The following GPD2 variants were observed in gnomAD, a reference collection of about 807,000 sequenced individuals.
GPD2 encodes glycerol-3-phosphate dehydrogenase 2, also known as glycerol-3-phosphate dehydrogenase, mitochondrial.
In GPD2, 54 loss-of-function variants were observed where a neutral mutation model predicts 82.4. That is an observed-to-expected ratio of 0.66 (90% CI 0.53 to 0.82). The LOEUF is 0.82. Ranked by LOEUF, GPD2 falls within the 40% of genes least tolerant of loss-of-function variation. The probability of loss-of-function intolerance (pLI) is 0.00; values close to 1 mark genes in which losing one functional copy is unlikely to be tolerated. For missense variants in GPD2, 748 were observed against 896.2 expected (o/e 0.83, Z 2.11); for synonymous variants, 288 against 306.1 (o/e 0.94, Z 0.62).
the GPD2 span, among the ~76,000 whole-genome samples, chr2:156,416,035 AC>A: frequency 8.1e-5 from 8 of 98,492 alleles, 1 homozygote; most frequent in East Asian, 3.3e-4. Context: ...AAAAAAAAAA[AC>A]AAAAACAAAA....
At chr2:156,562,023 G>A (rs1687194221) in intron 9 of GPD2, among the ~76,000 whole-genome samples, 1 of 152,154 alleles carries the variant, frequency 6.6e-6, no homozygotes, top group African/African-American at 2.4e-5. Flanking sequence ...GTTTCATATT[G>A]AGTTAGGAAG....
At chr2:156,464,009 A>T (rs1683072705) in intron 1 of GPD2, among the ~76,000 whole-genome samples, 1 of 152,142 alleles carries the variant, frequency 6.6e-6, no homozygotes, top group Admixed American at 6.6e-5. Context: ...TTAGTTTGGA[A>T]AGGATGCGTT....
chr2:156,569,402 C>T lies in GPD2; in HGVS notation c.1340C>T (p.Thr447Ile), dbSNP rs1367064631. The change falls in exon 11 of 17, where the codon ACC becomes ATC. Residue 447 changes from threonine to isoleucine, a missense_variant. Thr to Ile is a moderately conservative substitution (Grantham distance 89). Around this residue, in one of 3 missense-constraint regions of GPD2, gnomAD observed 692 missense variants for 809.7 expected, o/e 0.85. Coordinates refer to ENST00000438166, the MANE Select transcript of GPD2 (RefSeq NM_000408.5). ...WTTYRSMAED[T>I]INAAVKTHNL... ...ACTTATCGGTCTATGGCAGAAGATACCATAAATGCTGCTGTCAAAACTCAT... is the reference window on the plus strand; with the variant it reads ...ACTTATCGGTCTATGGCAGAAGATATCATAAATGCTGCTGTCAAAACTCAT... 1.2e-6 allele frequency: 2 copies of T among 1,611,118 alleles called. No homozygotes were observed. The highest frequency in any genetic ancestry group is 1.7e-6 in the Non-Finnish European group (2 of 1,177,492).
chr2:156,528,463 G>A (rs2105300427), intron 6 of GPD2, among the ~76,000 whole-genome samples: 1 of 148,898 alleles, frequency 6.7e-6, no homozygotes, highest in South Asian at 2.1e-4. Context: ...TATACTTTAA[G>A]TTTTAGGGTA....
chr2:156,514,613 T>C (rs1391546271), intron 6 of GPD2, among the ~76,000 whole-genome samples: 1 of 152,150 alleles, frequency 6.6e-6, no homozygotes, highest in Non-Finnish European at 1.5e-5. Context: ...GGCTTTCATA[T>C]ATAAATGCAA....
chr2:156,578,913 T>C lies in GPD2; in HGVS notation c.1792T>C (p.Phe598Leu), dbSNP rs773521684. 4 of 1,606,514 alleles carry C rather than the reference T, an allele frequency of 2.5e-6. No individual in the cohort carries two copies. Among genetic ancestry groups the C allele is most frequent in the Non-Finnish European group, 3.4e-6 (4 of 1,173,546 alleles). Residue 598 changes from phenylalanine to leucine, a missense_variant, in exon 14 of 17, where the codon TTT (phenylalanine) becomes CTT (leucine). This residue lies in a region of GPD2 where 692 missense variants were observed against 809.7 expected (regional missense o/e 0.85). Transcript: ENST00000438166. ...KQEQLETARK[F>L]LYYEMGYKSR... is the part of the protein sequence containing the mutation. ...GGAACAACTTGAAACAGCCAGGAAG[T>C]TTCTATATTATGAAATGGGCTATAA... is the stretch of plus-strand genomic sequence containing the variant.
intron 3 of GPD2, among the ~76,000 whole-genome samples, chr2:156,500,495 C>G (rs936633969): frequency 6.6e-6 from 1 of 152,118 alleles, no homozygotes; most frequent in African/African-American, 2.4e-5. Flanking sequence ...TTTGCTTTCT[C>G]TGCATTTGAT....
chr2:156,419,459 A>G, the GPD2 span, among the ~76,000 whole-genome samples: 2 of 152,210 alleles, frequency 1.3e-5, no homozygotes, highest in African/African-American at 4.8e-5. Context: ...TTTTAAGGAG[A>G]AAAGCTTCAA....
chr2:156,582,005 G>A (rs1479200728), intron 16 of GPD2, among the ~76,000 whole-genome samples: 1 of 151,934 alleles, frequency 6.6e-6, no homozygotes, highest in African/African-American at 2.4e-5. Flanking sequence ...GTGCATGTGT[G>A]TATATATTTA....
At chr2:156,475,728 AGGATTAGGT>A (rs1171307040) in intron 1 of GPD2, among the ~76,000 whole-genome samples, 2 of 152,118 alleles carry the variant, frequency 1.3e-5, no homozygotes, top group African/African-American at 4.8e-5. Context: ...CCTTGAGGAG[AGGATTAGGT>A]GTTGAGCAAA....
rs1297989540 is a variant in GPD2, at chr2:156,450,809, G to A, written c.-9+14296G>A. On this transcript the variant is annotated intron_variant, in intron 1 of 16. Transcript: ENST00000438166. ...GGTTTTCCTAGGCAGAGGACCCTGC[G>A]GCCTTCCGCAGTGTTTGTGTCCCTG... Among the ~76,000 whole-genome samples, 9 of 117,814 alleles carry A rather than the reference G, an allele frequency of 7.6e-5. No individual in the cohort carries two copies. The South Asian group carries it at 1.7e-3, about 22-fold the overall frequency. The allele number at this position is 117,814 out of a possible 152,430, so 77.3% of individuals were successfully genotyped here.
chr2:156,526,374 T>A (rs1177554113), intron 6 of GPD2, among the ~76,000 whole-genome samples: 1 of 152,154 alleles, frequency 6.6e-6, no homozygotes, highest in African/African-American at 2.4e-5. Flanking sequence ...TTATGTAAAA[T>A]ATGCTGTGAT....
intron 3 of GPD2, among the ~76,000 whole-genome samples, chr2:156,507,729 C>A (rs768498885): frequency 2.9e-4 from 44 of 152,276 alleles, no homozygotes; most frequent in South Asian, 6.2e-4. Flanking sequence ...ATATTACTTA[C>A]TTGTGAGAAA....
At chr2:156,492,238 CCTT>C (rs960143228) in intron 2 of GPD2, among the ~76,000 whole-genome samples, 4 of 136,834 alleles carry the variant, frequency 2.9e-5, no homozygotes, top group African/African-American at 5.4e-5. Context: ...ACTGCAGCCT[CCTT>C]CTCCTGGATT....
chr2:156,486,334 TG>T (rs1174981587), intron 2 of GPD2, among the ~76,000 whole-genome samples: 4 of 152,196 alleles, frequency 2.6e-5, no homozygotes, highest in Non-Finnish European at 4.4e-5. Flanking sequence ...ACAAAATCAG[TG>T]AGGTTAACTG....
intron 8 of GPD2, among the ~76,000 whole-genome samples, chr2:156,554,821 G>A (rs1217954546): frequency 6.6e-6 from 1 of 152,118 alleles, no homozygotes; most frequent in African/African-American, 2.4e-5. Flanking sequence ...CATACTGTTA[G>A]CTCTAACACT....
chr2:156,481,259 G>A (rs1683720254), intron 2 of GPD2, among the ~76,000 whole-genome samples: 1 of 151,954 alleles, frequency 6.6e-6, no homozygotes. Context: ...ATCAAATCAG[G>A]GTAATTAGCA....
rs115326587 is a variant in GPD2, at chr2:156,570,163, G to C, written c.1553G>C (p.Arg518Thr). 6.6e-5 allele frequency: 107 copies of C among 1,612,960 alleles called. No homozygotes were observed. The African/African-American group carries it at 1.3e-3, about 19-fold the overall frequency. The part of the protein sequence containing the change: ...VAKMASVTGK[R>T]WPIVGVRLVS... Reference sequence around the variant, plus strand: ...AAAATGGCAAGTGTGACTGGCAAAAGGTGGCCTATTGTTGGAGTACGTCTT... The same window carrying C: ...AAAATGGCAAGTGTGACTGGCAAAACGTGGCCTATTGTTGGAGTACGTCTT... Residue 518 changes from arginine to threonine, a missense_variant, in exon 12 of 17, where the codon AGG (arginine) becomes ACG (threonine). This residue lies in a region of GPD2 where 692 missense variants were observed against 809.7 expected (regional missense o/e 0.85). Transcript: ENST00000438166.
intron 6 of GPD2, among the ~76,000 whole-genome samples, chr2:156,522,683 CTT>C (rs35120661): frequency 0.01 from 1,407 of 134,408 alleles, 11 homozygotes; most frequent in Middle Eastern, 0.038. Context: ...GTTTTTTAAG[CTT>C]TTTTTTTTTT....
Sources: gnomAD v4.1 joint callset for allele counts (sites outside exome capture counted in the v4.1 genomes callset) on GRCh38, gnomAD v4.1.1 for gene constraint, gnomAD v4.1.1 regional missense constraint, MANE v1.5 for transcripts, NCBI Gene and HGNC (gene_info 2026-07-23, HGNC 2026-07-21) for gene names.